Variants in DNMT1 observed in about 807,000 individuals in gnomAD.
DNMT1 encodes DNA methyltransferase 1.
Under a neutral mutation model 205.3 loss-of-function variants are expected in DNMT1, and 24 were observed. The observed-to-expected ratio is 0.12, with a 90% CI of 0.08 to 0.16. DNMT1 has a LOEUF of 0.16. Among genes scored for constraint, DNMT1 ranks in the 10% least tolerant of loss-of-function variants. DNMT1 has a pLI of 1.00. For missense variants in DNMT1, 1,293 were observed against 2,177.7 expected, an observed-to-expected ratio of 0.59 and a Z score of 8.09; for synonymous variants, 817 against 839.8, an observed-to-expected ratio of 0.97 and a Z score of 0.47.
intron 17 of DNMT1, among the ~76,000 whole-genome samples, chr19:10,158,546 C>T (rs1020272761): frequency 1.3e-5 from 2 of 152,178 alleles, no homozygotes; most frequent in Non-Finnish European, 2.9e-5. Flanking sequence ...GCATTTCCCA[C>T]GAAGAACAAG....
At chr19:10,161,232 G>C (rs974835191) in intron 13 of DNMT1, among the ~76,000 whole-genome samples, 3 of 152,218 alleles carry the variant, frequency 2.0e-5, no homozygotes, top group Non-Finnish European at 4.4e-5. Flanking sequence ...TTGAACCAGG[G>C]AGACAGAGGT....
Position 10,137,697 on chromosome 19 carries a change from C to T in DNMT1, c.4293+135G>A. 7.9e-7 allele frequency: 1 copy of T among 1,260,818 alleles called. No individual in the cohort carries two copies. Among genetic ancestry groups the T allele is most frequent in the East Asian group, 2.5e-5 (1 of 39,652 alleles). 78.1% of individuals were successfully genotyped at this position (1,260,818 alleles called of 1,614,324 possible). ...CATGCAAGAGAGACCAGGGGTCACACAAAGGCTGAGGACTCGGGAGGAGGA... is the reference window on the plus strand; with the variant it reads ...CATGCAAGAGAGACCAGGGGTCACATAAAGGCTGAGGACTCGGGAGGAGGA... On this transcript the variant is annotated intron_variant, in intron 36 of 40. Transcript: ENST00000359526. The surrounding 1 kb of genome is among the most constrained non-coding windows in gnomAD (Gnocchi z 6.4).
chr19:10,164,864 G>A (rs1180998662), intron 11 of DNMT1, among the ~76,000 whole-genome samples: 1 of 134,686 alleles, frequency 7.4e-6, no homozygotes, highest in African/African-American at 2.8e-5. Flanking sequence ...GGAGGTGGAG[G>A]TTGCAGTGAC....
intron 1 of DNMT1, among the ~76,000 whole-genome samples, chr19:10,194,283 C>T (rs2039359376): frequency 6.6e-6 from 1 of 152,226 alleles, no homozygotes; most frequent in Non-Finnish European, 1.5e-5. Flanking sequence ...CCAGCCCAGC[C>T]CAGGCCCCGA....
intron 39 of DNMT1, 74 bp downstream of exon 39, chr19:10,135,662 G>T: frequency 6.6e-7 from 1 of 1,509,462 alleles, no homozygotes. Flanking sequence ...TGACTGCGCT[G>T]GCCCCAGCCC....
intron 33 of DNMT1, 83 bp downstream of exon 33, chr19:10,139,963 A>G (rs1284952784): frequency 1.9e-6 from 3 of 1,598,682 alleles, no homozygotes; most frequent in Non-Finnish European, 1.7e-6. Context: ...CAGAGGCCTC[A>G]GTGCAGGGCG....
At chr19:10,144,279 A>T (rs537311502) in intron 28 of DNMT1, 1 of 384,830 alleles carries the variant, frequency 2.6e-6, no homozygotes, top group Admixed American at 3.7e-5. Context: ...GTGGTGGTAC[A>T]TGCCTATAAT....
intron 1 of DNMT1, among the ~76,000 whole-genome samples, chr19:10,192,170 C>G (rs1207322849): frequency 6.6e-6 from 1 of 152,018 alleles, no homozygotes; most frequent in African/African-American, 2.4e-5. Flanking sequence ...TGGCATGTGC[C>G]AGCCACTCAG....
rs375868827 is a variant in DNMT1 at position 10,173,833 on chromosome 19, T to G, written c.683+38A>C. 7 of 1,610,956 alleles carry G rather than the reference T, an allele frequency of 4.3e-6. No homozygotes were observed. The African/African-American group carries it at 9.4e-5, about 22-fold the overall frequency. ...AGTTTTGTGATCAAGATTACACAACTCGTAGAACAAAAAGAAAGGTATAGT... is the reference window on the plus strand; with the variant it reads ...AGTTTTGTGATCAAGATTACACAACGCGTAGAACAAAAAGAAAGGTATAGT... On this transcript the variant is annotated intron_variant, in intron 8 of 40. Transcript: ENST00000359526.
intron 13 of DNMT1, among the ~76,000 whole-genome samples, chr19:10,161,554 G>C (rs2038571214): frequency 6.6e-6 from 1 of 152,144 alleles, no homozygotes; most frequent in Non-Finnish European, 1.5e-5. Context: ...GGCCCAGGTG[G>C]GAGGATTGCT....
intron 1 of DNMT1, 91 bp from the exon 2 acceptor site, chr19:10,182,168 A>T: frequency 7.2e-7 from 1 of 1,389,848 alleles, no homozygotes; most frequent in Non-Finnish European, 1.0e-6. Flanking sequence ...GAAGTTTTGG[A>T]CACAAACAAG....
chr19:10,174,990 G>A (rs2038905473), intron 7 of DNMT1, among the ~76,000 whole-genome samples: 1 of 151,260 alleles, frequency 6.6e-6, no homozygotes, highest in Non-Finnish European at 1.5e-5. Flanking sequence ...GGGAGGCTGA[G>A]GTTGCAATGA....
In DNMT1 at chr19:10,138,704, G is replaced by A; in HGVS notation, c.3949-99C>T. 2.1e-6 allele frequency: 3 copies of A among 1,454,780 alleles called. No individual in the cohort carries two copies. The highest frequency in any genetic ancestry group is 2.8e-6 in the Non-Finnish European group (3 of 1,084,178). 90.1% of individuals were successfully genotyped at this position (1,454,780 alleles called of 1,614,324 possible). A position where few individuals can be genotyped will look rare whatever the true frequency, so the allele number is the denominator to read the frequency against. ...GGGTCAGCAGCCTGAGTCGGGAGTG[G>A]CTGGCCAATGCGGAGTGCACTTGCA... On this transcript the variant is annotated intron_variant, in intron 34 of 40. Transcript: ENST00000359526. The surrounding 1 kb of genome is among the most constrained non-coding windows in gnomAD (Gnocchi z 4.1).
intron 9 of DNMT1, among the ~76,000 whole-genome samples, chr19:10,168,645 A>G (rs2038741291): frequency 6.6e-6 from 1 of 152,202 alleles, no homozygotes; most frequent in Admixed American, 6.6e-5. Context: ...AGGAGATACT[A>G]CAACACTGCA....
chr19:10,178,328 AG>A (rs2038974526), intron 5 of DNMT1, among the ~76,000 whole-genome samples: 1 of 151,986 alleles, frequency 6.6e-6, no homozygotes, highest in Non-Finnish European at 1.5e-5. Flanking sequence ...AGGCCAAGGC[AG>A]GTGGATCACC....
intron 7 of DNMT1, among the ~76,000 whole-genome samples, chr19:10,175,134 T>C: frequency 6.8e-6 from 1 of 146,046 alleles, no homozygotes; most frequent in Admixed American, 6.8e-5. Context: ...CACACATATA[T>C]ATAACATGTA....
intron 7 of DNMT1, among the ~76,000 whole-genome samples, chr19:10,174,956 G>A (rs1198533342): frequency 6.6e-6 from 1 of 151,028 alleles, no homozygotes; most frequent in Non-Finnish European, 1.5e-5. Flanking sequence ...TCGGGAGGCT[G>A]AAGCAGGAGA....
intron 1 of DNMT1, among the ~76,000 whole-genome samples, chr19:10,183,121 A>ACACACGTATATATACGTGTG (rs1568257414): frequency 5.4e-5 from 7 of 130,822 alleles, no homozygotes; most frequent in African/African-American, 8.8e-5. Flanking sequence ...GTATATATAT[A>ACACACGTATATATACGTGTG]TATATTTTTT....
chr19:10,157,324 T>C (rs1249298881), intron 17 of DNMT1, among the ~76,000 whole-genome samples: 9 of 152,200 alleles, frequency 5.9e-5, no homozygotes, highest in South Asian at 2.1e-4. Flanking sequence ...ATTTAGAAAA[T>C]AAAGCAGGTT....
Sources: gnomAD v4.1 joint callset for allele counts (sites outside exome capture counted in the v4.1 genomes callset) on GRCh38, gnomAD v4.1.1 for gene constraint, Gnocchi (gnomAD v3.1) non-coding constraint, MANE v1.5 for transcripts, NCBI Gene and HGNC (gene_info 2026-07-23, HGNC 2026-07-21) for gene names.